Variants in CDHR1 observed in about 807,000 individuals in gnomAD.
CDHR1 encodes cadherin-related family member 1.
A neutral mutation model predicts 72.1 loss-of-function variants in CDHR1; 61 were observed. The ratio of observed to expected loss-of-function variants is 0.85; its 90% confidence interval spans 0.69 to 1.05. The LOEUF (loss-of-function observed/expected upper bound fraction) is 1.05. CDHR1 is among the 50% of genes least tolerant of loss of function. The pLI, the probability that CDHR1 is intolerant of heterozygous loss-of-function variation, is 0.00. For missense variants in CDHR1, 1,186 were observed against 1,115.7 expected (o/e 1.06, Z -0.90); for synonymous variants, 470 against 448.1 (o/e 1.05, Z -0.62).
At chr10:84,202,302 T>G (rs79775967) in intron 7 of CDHR1, among the ~76,000 whole-genome samples, 2,034 of 152,240 alleles carry the variant, frequency 0.013, 58 homozygotes, top group East Asian at 0.13. Context: ...TGAGCCTCAG[T>G]TTCCTCATCT....
intron 10 of CDHR1, among the ~76,000 whole-genome samples, 193 bp from the exon 11 acceptor site, chr10:84,207,981 C>T (rs1356717621): frequency 1.3e-5 from 2 of 152,178 alleles, no homozygotes; most frequent in African/African-American, 4.8e-5. Flanking sequence ...ACAAGACAGA[C>T]GTTACAATCT....
At position 84,205,916 on chromosome 10, in the gene CDHR1, C is replaced by T; in HGVS notation, c.952C>T (p.Leu318=). ...CCAGCTCCAGAGAGAGGTGTATGAG[C>T]TGCATGTACAGGTACCCTCCCTCTA... The part of the protein sequence containing the change: ...PAQLQREVYE[L]HVQVTEMSPA... The change falls in exon 10 of 17, where the codon CTG becomes TTG. Residue 318 remains leucine, a synonymous_variant. Coordinates refer to ENST00000623527, the MANE Select transcript of CDHR1 (RefSeq NM_033100.4). The T allele has an allele frequency of 6.2e-7, 1 of 1,613,198 alleles. No homozygotes were observed. Among genetic ancestry groups the T allele is most frequent in the Non-Finnish European group, 8.5e-7 (1 of 1,179,138 alleles).
intron 2 of CDHR1, among the ~76,000 whole-genome samples, chr10:84,195,987 C>T (rs1842023455): frequency 6.6e-6 from 1 of 152,196 alleles, no homozygotes; most frequent in Admixed American, 6.5e-5. Flanking sequence ...ACTCCTTCTC[C>T]CTCACTTTGT....
chr10:84,200,759 CGCCCCAGGCCCT>C, intron 6 of CDHR1, 72 bp downstream of exon 6: 1 of 1,045,686 alleles, frequency 9.6e-7, no homozygotes, highest in Non-Finnish European at 1.5e-6. Context: ...CTACCTCCAT[CGCCCCAGGCCCT>C]TAGGTCGGTG....
Position 84,211,662 on chromosome 10 carries a change from T to A in CDHR1, c.1500T>A (p.Asp500Glu). Reference sequence around the variant, plus strand: ...TTCTCTTCCAGGCTGTGGATCCAGATACAGGACCCTGGGGCGAAGTGAAAT... The same window carrying A: ...TTCTCTTCCAGGCTGTGGATCCAGAAACAGGACCCTGGGGCGAAGTGAAAT... ...SVVAVTAVDP[D>E]TGPWGEVKYS... Residue 500 changes from aspartate to glutamate, a missense_variant, in exon 14 of 17, where the codon GAT (aspartate) becomes GAA (glutamate). Transcript: ENST00000623527. 6.2e-7 allele frequency: 1 copy of A among 1,614,124 alleles called. No individual in the cohort carries two copies. Among genetic ancestry groups the A allele is most frequent in the Non-Finnish European group, 8.5e-7 (1 of 1,179,994 alleles).
intron 5 of CDHR1, among the ~76,000 whole-genome samples, chr10:84,200,077 G>A (rs1842095450): frequency 2.0e-5 from 3 of 152,004 alleles, no homozygotes; most frequent in Non-Finnish European, 4.4e-5. Context: ...GGCTGAGGCA[G>A]GAGAATCGCT....
chr10:84,200,878 C>T (rs1191760726), intron 6 of CDHR1, among the ~76,000 whole-genome samples, 191 bp downstream of exon 6: 7 of 152,152 alleles, frequency 4.6e-5, no homozygotes, highest in Non-Finnish European at 1.0e-4. Flanking sequence ...CCCATCCTGG[C>T]GTCCTCTAAG....
intron 10 of CDHR1, 70 bp from the exon 11 acceptor site, chr10:84,208,104 G>A: frequency 5.2e-6 from 7 of 1,343,770 alleles, no homozygotes; most frequent in East Asian, 2.3e-5. Context: ...CATTCTGCAG[G>A]GGAGGTAGGA....
intron 8 of CDHR1, among the ~76,000 whole-genome samples, chr10:84,203,461 C>T (rs181038087): frequency 2.6e-5 from 4 of 152,164 alleles, no homozygotes; most frequent in Admixed American, 6.5e-5. Flanking sequence ...TGTCGCCAGG[C>T]TGGAGTGCAA....
rs1842162132 is a variant in CDHR1, at chr10:84,203,182, G to A, written c.783+59G>A. 13 of 1,605,614 alleles carry A rather than the reference G, an allele frequency of 8.1e-6. No individual in the cohort carries two copies. In the South Asian group the frequency reaches 1.4e-4, roughly 18 times the overall value. On this transcript the variant is annotated intron_variant, in intron 8 of 16. Transcript: ENST00000623527. ...CCAAATGCCTCCTGCCCTGACCCTT[G>A]TGATTTTAGGGACCCCCTGCTGGAG...
At chr10:84,219,093 G>T, downstream of CDHR1, 1 of 1,135,940 alleles carries the variant, frequency 8.8e-7, no homozygotes. Context: ...GAAGACTAAG[G>T]TACATGAAAA....
At chr10:84,219,309 C>A, downstream of CDHR1, 1 of 1,545,700 alleles carries the variant, frequency 6.5e-7, no homozygotes, top group Non-Finnish European at 8.7e-7. Context: ...CCTCCCTAGA[C>A]CATTTTCCCT....
At chr10:84,205,787 TG>T in intron 9 of CDHR1, 39 bp from the exon 10 acceptor site, 1 of 1,433,800 alleles carries the variant, frequency 7.0e-7, no homozygotes, top group Non-Finnish European at 9.8e-7. Context: ...CGCCTCCCTG[TG>T]GTCCTGTGCA....
chr10:84,195,535 G>C lies in CDHR1; in HGVS notation c.97G>C (p.Gly33Arg). The change falls in exon 2 of 17, where the codon GGC (glycine) becomes CGC (arginine). Residue 33 changes from glycine to arginine, a missense_variant. Physicochemically the swap from Gly to Arg is moderately radical, Grantham distance 125. Transcript: ENST00000623527. ...FAPHFFDNGV[G>R]STNGNMALFS... is the part of the protein sequence containing the mutation. ...CCCGCACTTCTTCGACAACGGGGTC[G>C]GCAGCACCAACGGAAACATGGCTCT... 1 of 1,614,140 alleles carries C rather than the reference G, an allele frequency of 6.2e-7. No homozygotes were observed. Among genetic ancestry groups the C allele is most frequent in the Non-Finnish European group, 8.5e-7 (1 of 1,179,998 alleles).
downstream of CDHR1, chr10:84,218,765 T>C (rs187367567): frequency 1.5e-5 from 15 of 1,004,322 alleles, no homozygotes; most frequent in Middle Eastern, 4.8e-4. Flanking sequence ...CCAGATATCA[T>C]GTTATTACAT....
At chr10:84,212,518 G>T in intron 15 of CDHR1, 111 bp downstream of exon 15, 1 of 814,518 alleles carries the variant, frequency 1.2e-6, no homozygotes. Flanking sequence ...TTCCCACCAT[G>T]GACAAAGGAC....
chr10:84,195,821 C>A (rs1305272271), intron 2 of CDHR1, among the ~76,000 whole-genome samples: 2 of 152,228 alleles, frequency 1.3e-5, no homozygotes, highest in Non-Finnish European at 2.9e-5. Flanking sequence ...GGTCGCCCCG[C>A]GAGGCAGGCA....
rs547346583 is a variant in CDHR1 at position 84,203,712 on chromosome 10, G to A, written c.783+589G>A. 7.2e-5 allele frequency among the ~76,000 whole-genome samples: 11 copies of A among 152,280 alleles called. No individual in the cohort carries two copies. The South Asian group carries it at 1.2e-3, about 17-fold the overall frequency. On this transcript the variant is annotated intron_variant, in intron 8 of 16. Coordinates refer to ENST00000623527, the MANE Select transcript of CDHR1 (RefSeq NM_033100.4). ...ATTACAGGTGTGAGCCACCGCGCCC[G>A]GCCTATTATTGACTTTACAAAGCAA...
chr10:84,198,968 G>A (rs755315230), intron 4 of CDHR1, 64 bp from the exon 5 acceptor site: 16 of 1,197,812 alleles, frequency 1.3e-5, no homozygotes, highest in Non-Finnish European at 1.8e-5. Context: ...GATAGAGGTC[G>A]CTATCCATTC....
Sources: allele counts gnomAD v4.1 joint callset (sites outside exome capture counted in the v4.1 genomes callset), GRCh38; gene constraint gnomAD v4.1.1; transcripts MANE v1.5; gene names NCBI Gene and HGNC (gene_info 2026-07-23, HGNC 2026-07-21).